TCF7L1: variants seen among roughly 807,000 people sequenced by gnomAD.
The protein encoded by TCF7L1 is transcription factor 7 like 1, also known as transcription factor 7-like 1.
A neutral mutation model predicts 63.7 loss-of-function variants in TCF7L1; 18 were observed. The ratio of observed to expected loss-of-function variants is 0.28; its 90% confidence interval spans 0.20 to 0.42. The LOEUF is 0.42. Ranked by LOEUF, TCF7L1 falls within the 10% of genes least tolerant of loss-of-function variation. The pLI is 1.00. For synonymous variants in TCF7L1, 355 were observed against 340.9 expected, an observed-to-expected ratio of 1.04 and a Z score of -0.46; for missense variants, 654 against 779.3, an observed-to-expected ratio of 0.84 and a Z score of 1.91.
intron 4 of TCF7L1, among the ~76,000 whole-genome samples, chr2:85,286,407 T>C (rs1573026404): frequency 6.6e-6 from 1 of 150,762 alleles, no homozygotes; most frequent in Non-Finnish European, 1.5e-5. Context: ...CCAGGTATGG[T>C]GGCTCATGCC....
chr2:85,190,591 G>A (rs1409930688), intron 3 of TCF7L1, among the ~76,000 whole-genome samples: 1 of 152,180 alleles, frequency 6.6e-6, no homozygotes, highest in African/African-American at 2.4e-5. Flanking sequence ...GACTGACCTA[G>A]GAACATGGGG....
intron 3 of TCF7L1, among the ~76,000 whole-genome samples, chr2:85,268,193 A>G (rs1219996954): frequency 6.6e-6 from 1 of 152,122 alleles, no homozygotes; most frequent in African/African-American, 2.4e-5. Context: ...CATTCCCTCT[A>G]TCCATCATTC....
intron 3 of TCF7L1, among the ~76,000 whole-genome samples, chr2:85,241,710 GCTGGGAT>G (rs1680337499): frequency 6.6e-6 from 1 of 152,108 alleles, no homozygotes. Flanking sequence ...CTCCTAAAGT[GCTGGGAT>G]TATAGGCATG....
chr2:85,182,952 C>T (rs1007144696), intron 3 of TCF7L1, among the ~76,000 whole-genome samples: 2 of 152,204 alleles, frequency 1.3e-5, no homozygotes, highest in South Asian at 2.1e-4. Flanking sequence ...GCCGATGCTG[C>T]TGGTCCAGGG....
intron 3 of TCF7L1, among the ~76,000 whole-genome samples, chr2:85,246,845 C>T (rs1680478748): frequency 6.6e-6 from 1 of 152,202 alleles, no homozygotes; most frequent in African/African-American, 2.4e-5. Flanking sequence ...GACCACCACC[C>T]TCCTTCCCTC....
At chr2:85,188,549 A>C (rs907288783) in intron 3 of TCF7L1, among the ~76,000 whole-genome samples, 4 of 152,208 alleles carry the variant, frequency 2.6e-5, no homozygotes, top group African/African-American at 9.7e-5. Context: ...TTGCCTCTGC[A>C]AAAGGAGGCT....
At chr2:85,152,367 A>G (rs1678036502) in intron 3 of TCF7L1, among the ~76,000 whole-genome samples, 1 of 152,026 alleles carries the variant, frequency 6.6e-6, no homozygotes, top group Admixed American at 6.6e-5. Context: ...GTAGAATATA[A>G]TATGCCTATT....
chr2:85,303,747 G>T, intron 5 of TCF7L1, 148 bp from the exon 6 acceptor site: 1 of 586,428 alleles, frequency 1.7e-6, no homozygotes. Flanking sequence ...GAGCTGCTAG[G>T]GAGTTGACAG....
At chr2:85,298,896 C>G (rs1431249513) in intron 4 of TCF7L1, among the ~76,000 whole-genome samples, 1 of 152,012 alleles carries the variant, frequency 6.6e-6, no homozygotes, top group Non-Finnish European at 1.5e-5. Flanking sequence ...AACCTTCCTT[C>G]TAGGAGGCCA....
intron 3 of TCF7L1, among the ~76,000 whole-genome samples, chr2:85,136,970 C>T (rs10195517): frequency 0.23 from 35,351 of 151,858 alleles, 4,375 homozygotes; most frequent in Non-Finnish European, 0.26. Flanking sequence ...TGGATAGATA[C>T]GAGTGGGGAG....
At chr2:85,157,852 C>A (rs1023939886) in intron 3 of TCF7L1, among the ~76,000 whole-genome samples, 1 of 152,148 alleles carries the variant, frequency 6.6e-6, no homozygotes, top group Non-Finnish European at 1.5e-5. Flanking sequence ...TCCTGCCTTC[C>A]CCTCCCCTCC....
intron 5 of TCF7L1, 152 bp downstream of exon 5, chr2:85,302,768 T>C: frequency 1.9e-6 from 2 of 1,061,242 alleles, no homozygotes; most frequent in East Asian, 2.5e-5. Flanking sequence ...ACTTTAGCCT[T>C]GTCATTTTTT....
intron 3 of TCF7L1, among the ~76,000 whole-genome samples, chr2:85,157,737 T>C (rs913257590): frequency 6.6e-6 from 1 of 152,238 alleles, no homozygotes; most frequent in African/African-American, 2.4e-5. Flanking sequence ...CTGCAGCCAT[T>C]GCTTAGGAGG....
chr2:85,261,936 A>C (rs900983516), intron 3 of TCF7L1, among the ~76,000 whole-genome samples: 1 of 152,242 alleles, frequency 6.6e-6, no homozygotes, highest in South Asian at 2.1e-4. Flanking sequence ...TTGTAATAAC[A>C]TAAGGGTAAT....
chr2:85,303,978 C>A lies in TCF7L1; in HGVS notation c.742C>A (p.Leu248Ile), dbSNP rs377056043. ...PGAVGQIPHP[L>I]GWLVPQQGQP... ...AGCTGTCGGACAAATCCCCCACCCC[C>A]TCGGCTGGCTCGTCCCACAGTAAGG... Residue 248 changes from leucine to isoleucine, a missense_variant, in exon 6 of 12, where the codon CTC becomes ATC. Physicochemically the swap from Leu to Ile is conservative, Grantham distance 5. Around this residue, in one of 3 missense-constraint regions of TCF7L1, gnomAD observed 404 missense variants for 454.8 expected, o/e 0.89. Transcript: ENST00000282111. 9 of 1,610,650 alleles carry A rather than the reference C, an allele frequency of 5.6e-6. No individual in the cohort carries two copies. The highest frequency in any genetic ancestry group is 7.6e-6 in the Non-Finnish European group (9 of 1,178,260).
chr2:85,289,592 A>G (rs1274478018), intron 4 of TCF7L1, among the ~76,000 whole-genome samples: 1 of 152,186 alleles, frequency 6.6e-6, no homozygotes, highest in Non-Finnish European at 1.5e-5. Context: ...AGAAATATCT[A>G]CCACCTTTGA....
At chr2:85,185,636 T>G (rs1389891084) in intron 3 of TCF7L1, among the ~76,000 whole-genome samples, 2 of 151,980 alleles carry the variant, frequency 1.3e-5, no homozygotes, top group African/African-American at 4.8e-5. Flanking sequence ...GCTTGTGGGT[T>G]TTCTGGGGAG....
intron 3 of TCF7L1, among the ~76,000 whole-genome samples, chr2:85,164,564 G>T (rs923925003): frequency 1.3e-5 from 2 of 152,148 alleles, no homozygotes; most frequent in Non-Finnish European, 2.9e-5. Flanking sequence ...TCAACCGCTG[G>T]GGTCAGAGGC....
intron 3 of TCF7L1, among the ~76,000 whole-genome samples, chr2:85,161,838 G>A (rs546044403): frequency 2.1e-4 from 32 of 152,278 alleles, no homozygotes; most frequent in South Asian, 6.2e-4. Flanking sequence ...AGGGCTGGGC[G>A]TGGCTGGGTC....
Sources: gnomAD v4.1 joint callset for allele counts (sites outside exome capture counted in the v4.1 genomes callset) on GRCh38, gnomAD v4.1.1 for gene constraint, gnomAD v4.1.1 regional missense constraint, MANE v1.5 for transcripts, NCBI Gene and HGNC (gene_info 2026-07-23, HGNC 2026-07-21) for gene names.